BSG: variants seen among roughly 807,000 people sequenced by gnomAD.
The protein encoded by BSG is basigin (Ok blood group).
Under a neutral mutation model 43.1 loss-of-function variants are expected in BSG, and 37 were observed. The observed-to-expected ratio is 0.86, with a 90% confidence interval of 0.66 to 1.13. BSG has a LOEUF of 1.13. BSG is among the 50% of genes most tolerant of loss of function. BSG has a pLI of 0.00. For missense variants in BSG, 599 were observed against 554.2 expected (o/e 1.08, Z -0.81); for synonymous variants, 309 against 238.7 (o/e 1.29, Z -2.72).
intron 8 of BSG, 61 bp downstream of exon 8, chr19:582,643 GAGCCAGGTGTGGTGGGCGGGATCTGCT>G: frequency 2.1e-6 from 3 of 1,396,456 alleles, no homozygotes; most frequent in South Asian, 2.7e-5. Flanking sequence ...GGGAACTCCT[GAGCCAGGTGTGGTGGGCGGGATCTGCT>G]AGCCAGGTGT....
chr19:579,291 T>G (rs756507412), intron 2 of BSG: 2 of 725,104 alleles, frequency 2.8e-6, no homozygotes, highest in South Asian at 3.0e-5. Context: ...CGAAGGGGCC[T>G]CCTCAGCAGG....
Position 578,014 on chromosome 19 carries a change from C to T in BSG, c.308C>T (p.Thr103Met), listed in dbSNP as rs777381758. 52 of 1,611,736 alleles carry T rather than the reference C, an allele frequency of 3.2e-5. No individual in the cohort carries two copies. Among genetic ancestry groups the T allele is most frequent in the Non-Finnish European group, 4.2e-5 (49 of 1,179,566 alleles). The change falls in exon 2 of 9, where the codon ACG (threonine) becomes ATG (methionine). Residue 103 changes from threonine (T) to methionine (M), a missense_variant. Thr to Met is a moderately conservative substitution (Grantham distance 81). Coordinates refer to ENST00000333511, the MANE Select transcript of BSG (RefSeq NM_001728.4). ...ISIDTLVEED[T>M]GTYECRASND... The stretch of plus-strand genomic sequence containing the variant: ...ATCGACACGCTCGTGGAGGAGGACA[C>T]GGGCACTTACGAGTGCCGGGCCAGC...
chr19:579,476 ACCGCGTCTCGCCGGG>A lies in BSG; in HGVS notation c.416-21_416-7del. 1 of 1,611,658 alleles carries A rather than the reference ACCGCGTCTCGCCGGG, an allele frequency of 6.2e-7. No individual in the cohort carries two copies. Among genetic ancestry groups the A allele is most frequent in the Non-Finnish European group, 8.5e-7 (1 of 1,179,848 alleles). ...CGGGCCGTGCTCCTCCACTCTGCTG[ACCGCGTCTCGCCGGG>A]CCTTGCAGCCGGCACAGTCTTCACT... On this transcript the variant is annotated splice_polypyrimidine_tract_variant and intron_variant, in intron 2 of 8. Coordinates refer to ENST00000333511, the MANE Select transcript of BSG (RefSeq NM_001728.4).
chr19:581,208 G>T lies in BSG; in HGVS notation c.793-107G>T. On this transcript the variant is annotated intron_variant, in intron 5 of 8. Transcript: ENST00000333511. The stretch of plus-strand genomic sequence containing the variant: ...CTGGGGGTCCCGGACTCAGCCCTCC[G>T]GACTGGGTGAGGGGCCTAGACTGGG... 3 of 1,225,068 alleles carry T rather than the reference G, an allele frequency of 2.4e-6. 1 individual carries two copies. In the South Asian group the frequency reaches 6.4e-5, roughly 26 times the overall value. The allele number at this position is 1,225,068 out of a possible 1,614,324, so 75.9% of individuals were successfully genotyped here.
chr19:582,990 G>T lies in BSG; in HGVS notation c.*246G>T. The T allele has an allele frequency of 4.6e-6, 1 of 216,194 alleles. No homozygotes were observed. The highest frequency in any genetic ancestry group is 6.7e-5 in the South Asian group (1 of 14,942). 13.4% of individuals were successfully genotyped at this position (216,194 alleles called of 1,614,324 possible). On this transcript the variant is annotated 3_prime_UTR_variant, in exon 9 of 9. Coordinates refer to ENST00000333511, the MANE Select transcript of BSG (RefSeq NM_001728.4). ...CTGCTGCCCTGCGGCCCCGTCTGTG[G>T]CTTTCAGCCTCTGGGTCTGAGTCAT...
At chr19:572,788 G>T in intron 1 of BSG, 87 bp downstream of exon 1, 1 of 1,287,358 alleles carries the variant, frequency 7.8e-7, no homozygotes. Flanking sequence ...ACGGGAGCCT[G>T]GGGCCTCGGC....
At position 575,642 on chromosome 19, in the gene BSG, A is replaced by T. The variant is rs1600480703; in HGVS notation, c.68-2132A>T. Among the ~76,000 whole-genome samples the T allele has an allele frequency of 2.7e-5, 4 of 148,352 alleles. No homozygotes were observed. The South Asian group carries it at 8.6e-4, about 32-fold the overall frequency. ...AGGGCGGGTGGGGGCGGGCAGCCTTATCCTGCGGGGCTGCTTGTGTACAAG... is the reference window on the plus strand; with the variant it reads ...AGGGCGGGTGGGGGCGGGCAGCCTTTTCCTGCGGGGCTGCTTGTGTACAAG... On this transcript the variant is annotated intron_variant, in intron 1 of 8. Coordinates refer to ENST00000333511, the MANE Select transcript of BSG (RefSeq NM_001728.4).
intron 4 of BSG, 85 bp from the exon 5 acceptor site, chr19:580,561 C>G: frequency 6.2e-7 from 1 of 1,604,854 alleles, no homozygotes; most frequent in Non-Finnish European, 8.5e-7. Context: ...CCCCTGCTCC[C>G]TGGAGGGGAA....
At chr19:580,948 C>G (rs867597129) in intron 5 of BSG, among the ~76,000 whole-genome samples, 166 bp downstream of exon 5, 8 of 112,350 alleles carry the variant, frequency 7.1e-5, no homozygotes, top group African/African-American at 1.8e-4. Flanking sequence ...CTGGGGGTCC[C>G]GGACCCAGCC....
At chr19:578,212 TC>T in intron 2 of BSG, 91 bp downstream of exon 2, 1 of 1,239,266 alleles carries the variant, frequency 8.1e-7, no homozygotes, top group Non-Finnish European at 1.1e-6. Flanking sequence ...CCCAGACGCC[TC>T]CTCCCCTCTC....
chr19:580,575 C>T (rs28992474), intron 4 of BSG, 71 bp from the exon 5 acceptor site: 180,828 of 1,605,328 alleles, frequency 0.11, 12,570 homozygotes, highest in South Asian at 0.27. Flanking sequence ...AGGGGAACAG[C>T]CCTCCTGCGG....
At position 580,777 on chromosome 19, in the gene BSG, G is replaced by T; in HGVS notation, c.787G>T (p.Asp263Tyr). Residue 263 changes from aspartate to tyrosine, a missense_variant, in exon 5 of 9, where the codon GAC becomes TAC. Asp to Tyr is a radical substitution (Grantham distance 160, BLOSUM62 -3). Coordinates refer to ENST00000333511, the MANE Select transcript of BSG (RefSeq NM_001728.4). ...CTGGTACAAGATCACTGACTCTGAG[G>T]ACAAGGTGAGAAGCCAAGGAGGCTG... ...WAWYKITDSEDKALMNGSESR... is the reference protein window; with the variant it reads ...WAWYKITDSEYKALMNGSESR... 1 of 1,612,780 alleles carries T rather than the reference G, an allele frequency of 6.2e-7. No individual in the cohort carries two copies. The highest frequency in any genetic ancestry group is 1.1e-5 in the South Asian group (1 of 91,086).
At chr19:574,879 C>T (rs920748075) in intron 1 of BSG, among the ~76,000 whole-genome samples, 5 of 152,192 alleles carry the variant, frequency 3.3e-5, no homozygotes, top group African/African-American at 9.7e-5. Flanking sequence ...GTGAGGTGAG[C>T]GCGGAAGATA....
chr19:572,314 A>C (rs916103687), upstream of BSG: 14 of 915,104 alleles, frequency 1.5e-5, no homozygotes, highest in African/African-American at 1.2e-4. Flanking sequence ...CTCTGCGCTC[A>C]TTGCAACTTT....
At chr19:579,100 C>T (rs2283573) in intron 2 of BSG, 64,595 of 462,510 alleles carry the variant, frequency 0.14, 5,683 homozygotes, top group South Asian at 0.26. Context: ...TACAAGAGCT[C>T]GATGCCCTGG....
At chr19:582,444 G>A in intron 7 of BSG, 70 bp from the exon 8 acceptor site, 2 of 1,600,060 alleles carry the variant, frequency 1.2e-6, no homozygotes, top group Admixed American at 1.7e-5. Flanking sequence ...TGGGGGCCGG[G>A]GTGGGCAGGG....
intron 5 of BSG, 21 bp from the exon 6 acceptor site, chr19:581,294 C>G (rs1467368048): frequency 6.2e-7 from 1 of 1,602,680 alleles, no homozygotes; most frequent in African/African-American, 1.3e-5. Context: ...CTGGACTCAG[C>G]CCTTGCCTTT....
intron 1 of BSG, 57 bp downstream of exon 1, chr19:572,758 G>C: frequency 1.5e-6 from 2 of 1,373,280 alleles, no homozygotes; most frequent in South Asian, 1.6e-5. Context: ...AATGGAGGCC[G>C]CGGTGCCGAC....
chr19:580,170 G>A (rs550014149), intron 3 of BSG, among the ~76,000 whole-genome samples: 6 of 152,038 alleles, frequency 3.9e-5, no homozygotes, highest in African/African-American at 1.2e-4. Flanking sequence ...GGAGAAGGGG[G>A]TCTGTTGGTT....
Sources: allele counts gnomAD v4.1 joint callset (sites outside exome capture counted in the v4.1 genomes callset), GRCh38; gene constraint gnomAD v4.1.1; transcripts MANE v1.5; gene names NCBI Gene and HGNC (gene_info 2026-07-23, HGNC 2026-07-21).